The following MSRA variants were observed in gnomAD, a reference collection of about 807,000 sequenced individuals.
The protein encoded by MSRA is mitochondrial peptide methionine sulfoxide reductase.
Under a neutral mutation model 31.3 loss-of-function variants are expected in MSRA, and 54 were observed. The ratio of observed to expected loss-of-function variants is 1.73; its 90% CI spans 1.39 to 2.17. The LOEUF (loss-of-function observed/expected upper bound fraction) is 2.17. Among genes scored for constraint, MSRA ranks in the 30% most tolerant of loss-of-function variants. The pLI is 0.00. For synonymous variants in MSRA, 169 were observed against 116.5 expected, an observed-to-expected ratio of 1.45 and a Z score of -2.90; for missense variants, 507 against 300.9, an observed-to-expected ratio of 1.69 and a Z score of -5.07.
intron 5 of MSRA, among the ~76,000 whole-genome samples, chr8:10,357,240 T>C (rs1241479479): frequency 6.6e-6 from 1 of 152,226 alleles, no homozygotes; most frequent in East Asian, 1.9e-4. Flanking sequence ...TCTATGAATT[T>C]GTTTTCATTT....
At chr8:10,059,285 C>T (rs1426076581) in intron 1 of MSRA, among the ~76,000 whole-genome samples, 27 of 152,220 alleles carry the variant, frequency 1.8e-4, no homozygotes, top group Non-Finnish European at 3.7e-4. Flanking sequence ...TCTTGTATGC[C>T]AGGCACTGTA....
At chr8:10,304,005 G>T (rs951455481) in intron 4 of MSRA, among the ~76,000 whole-genome samples, 1 of 152,116 alleles carries the variant, frequency 6.6e-6, no homozygotes, top group Non-Finnish European at 1.5e-5. Flanking sequence ...GCGTGATCGC[G>T]TCTCACTGAA....
At chr8:10,220,556 C>G (rs571993459) in intron 2 of MSRA, among the ~76,000 whole-genome samples, 79 of 152,228 alleles carry the variant, frequency 5.2e-4, no homozygotes, top group Non-Finnish European at 9.9e-4. Context: ...ATTTTTTTGC[C>G]ATATGCCTGT....
At chr8:10,319,670 CTTG>C (rs949372847) in intron 4 of MSRA, among the ~76,000 whole-genome samples, 5 of 151,610 alleles carry the variant, frequency 3.3e-5, no homozygotes, top group South Asian at 4.2e-4. Context: ...TTCAAAGATA[CTTG>C]TTGTAATTAA....
chr8:10,168,286 T>C (rs1348412999), intron 1 of MSRA, among the ~76,000 whole-genome samples: 1 of 152,210 alleles, frequency 6.6e-6, no homozygotes, highest in Non-Finnish European at 1.5e-5. Context: ...TGTGTTGTTT[T>C]ATATGTGGAA....
At chr8:10,119,856 G>A (rs992664963) in intron 1 of MSRA, among the ~76,000 whole-genome samples, 16 of 152,180 alleles carry the variant, frequency 1.1e-4, no homozygotes, top group African/African-American at 3.9e-4. Context: ...GGAGAAAGCT[G>A]AAGGAAGACA....
intron 2 of MSRA, among the ~76,000 whole-genome samples, chr8:10,214,516 G>A (rs778745076): frequency 6.6e-6 from 1 of 152,020 alleles, no homozygotes; most frequent in Non-Finnish European, 1.5e-5. Flanking sequence ...GCATGATGTT[G>A]GTAAATAACC....
intron 1 of MSRA, among the ~76,000 whole-genome samples, chr8:10,067,878 T>A (rs1797540477): frequency 8.8e-6 from 1 of 113,484 alleles, no homozygotes; most frequent in Non-Finnish European, 1.7e-5. Context: ...TACTGAGTTT[T>A]TTTTTTTTTT....
chr8:10,305,231 C>A (rs1186080174), intron 4 of MSRA, among the ~76,000 whole-genome samples: 1 of 152,042 alleles, frequency 6.6e-6, no homozygotes, highest in Non-Finnish European at 1.5e-5. Context: ...AATGGTCTTA[C>A]TGTAGTAGAA....
chr8:10,302,235 A>G (rs937111298), intron 4 of MSRA, among the ~76,000 whole-genome samples: 12 of 152,266 alleles, frequency 7.9e-5, no homozygotes, highest in Admixed American at 2.0e-4. Flanking sequence ...TTTTATTTGA[A>G]TGCATACACA....
intron 1 of MSRA, among the ~76,000 whole-genome samples, chr8:10,157,091 A>G (rs1804216810): frequency 6.6e-6 from 1 of 151,648 alleles, no homozygotes; most frequent in Non-Finnish European, 1.5e-5. Context: ...TGAAATTTAA[A>G]CCCAGTTCTT....
intron 1 of MSRA, among the ~76,000 whole-genome samples, chr8:10,164,252 T>C (rs989967488): frequency 6.6e-6 from 1 of 152,230 alleles, no homozygotes; most frequent in African/African-American, 2.4e-5. Context: ...GTCTTATCTG[T>C]CCTGACCTCA....
chr8:10,210,263 C>T (rs917984903), intron 2 of MSRA, among the ~76,000 whole-genome samples: 1 of 152,148 alleles, frequency 6.6e-6, no homozygotes, highest in Non-Finnish European at 1.5e-5. Flanking sequence ...AGCCACTTGG[C>T]CAAGGAGGTG....
intron 3 of MSRA, among the ~76,000 whole-genome samples, chr8:10,297,516 G>C (rs1294778561): frequency 6.6e-6 from 1 of 152,202 alleles, no homozygotes; most frequent in Non-Finnish European, 1.5e-5. Context: ...TTGCAGATTG[G>C]TCTCTGGAAT....
rs566805345 is a variant in MSRA at position 10,221,231 on chromosome 8, C to T, written c.211+13330C>T. Among the ~76,000 whole-genome samples the T allele has an allele frequency of 2.0e-5, 3 of 152,286 alleles. No individual in the cohort carries two copies. The South Asian group carries it at 6.2e-4, about 32-fold the overall frequency. On this transcript the variant is annotated intron_variant, in intron 2 of 5. Coordinates refer to ENST00000317173, the MANE Select transcript of MSRA (RefSeq NM_012331.5). ...TGCATAAGAAATGACCAGACATCTGCACCAACTGAATGACAAACAGCTTTT... is the reference window on the plus strand; with the variant it reads ...TGCATAAGAAATGACCAGACATCTGTACCAACTGAATGACAAACAGCTTTT...
intron 3 of MSRA, among the ~76,000 whole-genome samples, chr8:10,283,670 T>G (rs1799755977): frequency 6.6e-6 from 1 of 151,456 alleles, no homozygotes; most frequent in Non-Finnish European, 1.5e-5. Flanking sequence ...TAGCTCCCAC[T>G]TATGAGTGAG....
At chr8:10,282,870 C>G (rs1410698975) in intron 3 of MSRA, among the ~76,000 whole-genome samples, 1 of 152,126 alleles carries the variant, frequency 6.6e-6, no homozygotes, top group Non-Finnish European at 1.5e-5. Context: ...ATCAGCTCTC[C>G]TCTATATACT....
intron 5 of MSRA, among the ~76,000 whole-genome samples, chr8:10,361,424 A>T (rs1804838132): frequency 6.6e-6 from 1 of 152,130 alleles, no homozygotes; most frequent in African/African-American, 2.4e-5. Context: ...TTTTGGCTGT[A>T]ACTCACTTTT....
At chr8:10,255,189 G>T (rs117221237) in intron 3 of MSRA, among the ~76,000 whole-genome samples, 1 of 152,176 alleles carries the variant, frequency 6.6e-6, no homozygotes, top group African/African-American at 2.4e-5. Context: ...GCTGAAACAC[G>T]CAGTAAAATG....
Sources: gnomAD v4.1 joint callset for allele counts (sites outside exome capture counted in the v4.1 genomes callset) on GRCh38, gnomAD v4.1.1 for gene constraint, MANE v1.5 for transcripts, NCBI Gene and HGNC (gene_info 2026-07-23, HGNC 2026-07-21) for gene names.